The following CDK12 variants were observed in gnomAD, a reference collection of about 807,000 sequenced individuals.
The protein encoded by CDK12 is cyclin-dependent kinase 12.
A neutral mutation model predicts 133.8 loss-of-function variants in CDK12; 17 were observed. That is an observed-to-expected ratio of 0.13 (90% CI 0.09 to 0.19). The LOEUF is 0.19. CDK12 is among the 10% of genes least tolerant of loss of function. CDK12 has a pLI of 1.00. For synonymous variants in CDK12, 694 were observed against 683.6 expected (o/e 1.02, Z -0.24); for missense variants, 1,508 against 1,818.7 (o/e 0.83, Z 3.11).
intron 8 of CDK12, among the ~76,000 whole-genome samples, chr17:39,514,602 A>C (rs994533633): frequency 6.6e-5 from 10 of 152,136 alleles, no homozygotes; most frequent in African/African-American, 2.4e-4. Flanking sequence ...AGGCCTCCCA[A>C]AGTGCTGGGA....
At chr17:39,537,557 ATTTATTTAT>A (rs1346794163), downstream of CDK12, among the ~76,000 whole-genome samples, 1 of 146,100 alleles carries the variant, frequency 6.8e-6, no homozygotes, top group African/African-American at 2.7e-5. Context: ...TTATTTATTT[ATTTATTTAT>A]TTATTTATTT....
chr17:39,533,438 C>G lies in CDK12; in HGVS notation c.*2122C>G. 1 of 233,070 alleles carries G rather than the reference C, an allele frequency of 4.3e-6. No individual in the cohort carries two copies. Among genetic ancestry groups the G allele is most frequent in the African/African-American group, 2.2e-5 (1 of 45,426 alleles). 14.4% of individuals were successfully genotyped at this position (233,070 alleles called of 1,614,324 possible). A position where few individuals can be genotyped will look rare whatever the true frequency, so the allele number is the denominator to read the frequency against. ...GAATTTGAGTTATTGGGCCCCACTC[C>G]CTGTTTTTTATTAAAGAACGTGAGC... On this transcript the variant is annotated 3_prime_UTR_variant, in exon 14 of 14. Coordinates refer to ENST00000447079, the MANE Select transcript of CDK12 (RefSeq NM_016507.4).
upstream of CDK12, among the ~76,000 whole-genome samples, chr17:39,548,314 T>C (rs1308105675): frequency 6.6e-6 from 1 of 152,190 alleles, no homozygotes; most frequent in Admixed American, 6.5e-5. Context: ...GACATCTCAA[T>C]GTGCTTCCAG....
intron 2 of CDK12, among the ~76,000 whole-genome samples, chr17:39,552,588 T>G (rs7503377): frequency 2.0e-5 from 3 of 152,094 alleles, no homozygotes; most frequent in African/African-American, 7.2e-5. Context: ...TCCATCCCTA[T>G]TCCAACATAT....
At position 39,515,885 on chromosome 17, in the gene CDK12, C is replaced by A. The variant is rs1010435267; in HGVS notation, c.2846+77C>A. 5.5e-6 allele frequency: 5 copies of A among 913,052 alleles called. No individual in the cohort carries two copies. In the African/African-American group the frequency reaches 6.7e-5, roughly 12 times the overall value. The allele number at this position is 913,052 out of a possible 1,614,324, so 56.6% of individuals were successfully genotyped here. ...CCTCCAGTTTCTAACACTTTCTAGT[C>A]ATTCTGAATGAGTTTATGTTTCTTA... On this transcript the variant is annotated intron_variant, in intron 9 of 13. Coordinates refer to ENST00000447079, the MANE Select transcript of CDK12 (RefSeq NM_016507.4).
intron 2 of CDK12, among the ~76,000 whole-genome samples, chr17:39,484,388 T>C (rs2050956299): frequency 6.6e-6 from 1 of 152,168 alleles, no homozygotes; most frequent in East Asian, 1.9e-4. Context: ...GGTAGTGACT[T>C]TTCAAGTAAT....
At chr17:39,554,893 C>CA (rs11367982) in intron 2 of CDK12, among the ~76,000 whole-genome samples, 5,736 of 87,276 alleles carry the variant, frequency 0.066, 172 homozygotes, top group Non-Finnish European at 0.079. Context: ...GACTCCGTCT[C>CA]AAAAAAAAAA....
At chr17:39,489,046 G>A (rs985130202) in intron 2 of CDK12, among the ~76,000 whole-genome samples, 7 of 150,648 alleles carry the variant, frequency 4.6e-5, no homozygotes, top group Non-Finnish European at 7.4e-5. Flanking sequence ...TCAGCCTCTC[G>A]AGTAGCTGGA....
At chr17:39,554,747 C>T (rs954151253) in intron 2 of CDK12, among the ~76,000 whole-genome samples, 3 of 152,084 alleles carry the variant, frequency 2.0e-5, no homozygotes, top group East Asian at 1.9e-4. Flanking sequence ...GGCGTGGTGG[C>T]GTGCACCTGT....
Position 39,531,231 on chromosome 17 carries a change from C to A in CDK12, c.4388C>A (p.Thr1463Asn). ...GCAGGCCTTCACTGGGGGGGCCCAA[C>A]TCAGTCTTCTGCTTATGGAAAACTC... ...SGAGLHWGGPTQSSAYGKLYR... is the reference protein window; with the variant it reads ...SGAGLHWGGPNQSSAYGKLYR... The change falls in exon 14 of 14, where the codon ACT becomes AAT. Residue 1463 changes from threonine (T) to asparagine (N), a missense_variant. Thr to Asn is a moderately conservative substitution (Grantham distance 65, BLOSUM62 0). Coordinates refer to ENST00000447079, the MANE Select transcript of CDK12 (RefSeq NM_016507.4). 1 of 1,516,106 alleles carries A rather than the reference C, an allele frequency of 6.6e-7. No individual in the cohort carries two copies. The allele number at this position is 1,516,106 out of a possible 1,614,324, so 93.9% of individuals were successfully genotyped here.
chr17:39,491,564 A>G (rs558675328), intron 3 of CDK12, among the ~76,000 whole-genome samples: 2 of 152,226 alleles, frequency 1.3e-5, no homozygotes, highest in South Asian at 2.1e-4. Flanking sequence ...CTTAGCATGT[A>G]GCGATTAATT....
chr17:39,508,190 T>G (rs7225096), intron 6 of CDK12, among the ~76,000 whole-genome samples: 1 of 151,940 alleles, frequency 6.6e-6, no homozygotes. Context: ...TTTCAGATTT[T>G]GCTTCAGACG....
chr17:39,524,971 T>C, intron 12 of CDK12, 86 bp downstream of exon 12: 1 of 1,197,698 alleles, frequency 8.3e-7, no homozygotes, highest in East Asian at 2.4e-5. Flanking sequence ...TGTGTGTGTG[T>C]CTGTTTTTTA....
chr17:39,493,034 C>G (rs2051762519), intron 4 of CDK12, 144 bp downstream of exon 4: 1 of 722,768 alleles, frequency 1.4e-6, no homozygotes, highest in Admixed American at 3.0e-5. Flanking sequence ...GTCTTGCTCC[C>G]CAGGCTGGAG....
At position 39,501,448 on chromosome 17, in the gene CDK12, G is replaced by A. The variant is rs2146146822; in HGVS notation, c.2609+9G>A. 1.3e-6 allele frequency: 2 copies of A among 1,591,080 alleles called. No homozygotes were observed. Among genetic ancestry groups the A allele is most frequent in the Non-Finnish European group, 1.7e-6 (2 of 1,165,314 alleles). On this transcript the variant is annotated intron_variant, in intron 6 of 13. Transcript: ENST00000447079. ...ATTTTGCTGAATAACAGGTAACATA[G>A]TAACCAAATAAGATTAAGCACTTTC...
Position 39,526,196 on chromosome 17 carries a change from T to C in CDK12, c.3640T>C (p.Leu1214=). The C allele has an allele frequency of 6.2e-7, 1 of 1,614,072 alleles. No homozygotes were observed. Among genetic ancestry groups the C allele is most frequent in the Non-Finnish European group, 8.5e-7 (1 of 1,180,004 alleles). Residue 1214 remains leucine (L), a synonymous_variant, in exon 13 of 14, where the codon TTG becomes CTG. Transcript: ENST00000447079. ...CATGCAGAATATATTGGCAGTTCTC[T>C]TGAGTCAGCTGATGAAAACCCAAGA... The part of the protein sequence containing the change: ...ADMQNILAVL[L]SQLMKTQEPA...
At position 39,481,632 on chromosome 17, in the gene CDK12, C is replaced by T. The variant is rs1453656331; in HGVS notation, c.1932-8925C>T. Among the ~76,000 whole-genome samples, 106 of 31,790 alleles carry T rather than the reference C, an allele frequency of 3.3e-3. 4 individuals are homozygous for T. Among genetic ancestry groups the T allele is most frequent in the Admixed American group, 0.012 (33 of 2,818 alleles). The allele number at this position is 31,790 out of a possible 152,430, so 20.9% of individuals were successfully genotyped here. ...GCACTTATGTGCTTGCTCGCTCGCG[C>T]GCTCTCTCTCTCTCTCTCTCTCTCT... On this transcript the variant is annotated intron_variant, in intron 2 of 13. Coordinates refer to ENST00000447079, the MANE Select transcript of CDK12 (RefSeq NM_016507.4).
At chr17:39,527,604 A>G (rs1025517397) in intron 13 of CDK12, among the ~76,000 whole-genome samples, 7 of 152,108 alleles carry the variant, frequency 4.6e-5, no homozygotes, top group Non-Finnish European at 1.0e-4. Flanking sequence ...CTGGAGTGCA[A>G]TGGCATGATC....
At chr17:39,536,610 G>A (rs1022120343), downstream of CDK12, among the ~76,000 whole-genome samples, 15 of 152,144 alleles carry the variant, frequency 9.9e-5, no homozygotes, top group Non-Finnish European at 1.5e-4. Context: ...GTTGCAGATG[G>A]TGTCTGTGGG....
Sources: allele counts gnomAD v4.1 joint callset (sites outside exome capture counted in the v4.1 genomes callset), GRCh38; gene constraint gnomAD v4.1.1; transcripts MANE v1.5; gene names NCBI Gene and HGNC (gene_info 2026-07-23, HGNC 2026-07-21).